SAMHD1: variants seen among roughly 807,000 people sequenced by gnomAD.
The protein encoded by SAMHD1 is SAM and HD domain containing deoxynucleoside triphosphate triphosphohydrolase 1.
Under a neutral mutation model 79.6 loss-of-function variants are expected in SAMHD1, and 54 were observed. That is an observed-to-expected ratio of 0.68 (90% CI 0.55 to 0.85). The LOEUF is 0.85. Ranked by LOEUF, SAMHD1 falls within the 40% of genes least tolerant of loss-of-function variation. The pLI is 0.00. For synonymous variants in SAMHD1, 260 were observed against 264.1 expected, an observed-to-expected ratio of 0.98 and a Z score of 0.15; for missense variants, 663 against 782.7, an observed-to-expected ratio of 0.85 and a Z score of 1.82.
At chr20:36,944,077 C>CAAAAAAAAAAAAAAAA (rs542947370) in intron 2 of SAMHD1, among the ~76,000 whole-genome samples, 11 of 89,996 alleles carry the variant, frequency 1.2e-4, no homozygotes, top group South Asian at 4.8e-4. Flanking sequence ...GACTCCATCT[C>CAAAAAAAAAAAAAAAA]AAAAAAAAAA....
chr20:36,908,255 T>G (rs2063416372), intron 11 of SAMHD1, among the ~76,000 whole-genome samples: 1 of 147,266 alleles, frequency 6.8e-6, no homozygotes, highest in Non-Finnish European at 1.5e-5. Context: ...ATTATTATTA[T>G]TATTTGATAC....
intron 5 of SAMHD1, among the ~76,000 whole-genome samples, chr20:36,927,640 A>C (rs568818359): frequency 6.6e-6 from 1 of 152,260 alleles, no homozygotes; most frequent in African/African-American, 2.4e-5. Flanking sequence ...TAATCTTTTT[A>C]GTTTAACTTG....
intron 4 of SAMHD1, 78 bp downstream of exon 4, chr20:36,934,951 C>G (rs1568779221): frequency 6.8e-7 from 1 of 1,479,358 alleles, no homozygotes; most frequent in East Asian, 2.3e-5. Flanking sequence ...AGCCACCATG[C>G]CTGGCCTAAG....
In SAMHD1 at chr20:36,926,060, T is replaced by C. The variant is rs1236980151; in HGVS notation, c.696+1122A>G. Among the ~76,000 whole-genome samples, 3 of 150,618 alleles carry C rather than the reference T, an allele frequency of 2.0e-5. No individual in the cohort carries two copies. The East Asian group carries it at 5.8e-4, about 29-fold the overall frequency. ...TTTCTGCTGAATGTATTTCTTGTTT[T>C]AAAAATGTAATTAACTTTCCACACT... On this transcript the variant is annotated intron_variant, in intron 6 of 15. Coordinates refer to ENST00000646673, the MANE Select transcript of SAMHD1 (RefSeq NM_015474.4).
chr20:36,913,116 T>C (rs1458484678), intron 9 of SAMHD1, among the ~76,000 whole-genome samples: 1 of 149,398 alleles, frequency 6.7e-6, no homozygotes, highest in Non-Finnish European at 1.5e-5. Flanking sequence ...CCCGCCTCAG[T>C]CTCCCGAGTG....
intron 10 of SAMHD1, 26 bp from the exon 11 acceptor site, chr20:36,911,359 T>C (rs2063439290): frequency 7.0e-7 from 1 of 1,435,414 alleles, no homozygotes; most frequent in Non-Finnish European, 9.8e-7. Context: ...CAAAAATTTA[T>C]GTTTATGAGA....
chr20:36,900,156 A>G (rs1322775687), intron 13 of SAMHD1, among the ~76,000 whole-genome samples: 2 of 152,178 alleles, frequency 1.3e-5, no homozygotes, highest in African/African-American at 4.8e-5. Flanking sequence ...AGAGGAGGCA[A>G]GATGTTAAAG....
Position 36,892,917 on chromosome 20 carries a change from A to G in SAMHD1, c.*15T>C, listed in dbSNP as rs1405383746. The G allele has an allele frequency of 1.2e-6, 2 of 1,614,060 alleles. No individual in the cohort carries two copies. Among genetic ancestry groups the G allele is most frequent in the South Asian group, 2.2e-5 (2 of 91,072 alleles). ...GTGCAGGAGAGGGAGTTTGTAAACAACTGACTACAGACATTCACATTGGGT... is the reference window on the plus strand; with the variant it reads ...GTGCAGGAGAGGGAGTTTGTAAACAGCTGACTACAGACATTCACATTGGGT... On this transcript the variant is annotated 3_prime_UTR_variant, in exon 16 of 16. Coordinates refer to ENST00000646673, the MANE Select transcript of SAMHD1 (RefSeq NM_015474.4).
intron 6 of SAMHD1, among the ~76,000 whole-genome samples, chr20:36,924,233 C>A (rs2063523096): frequency 8.2e-6 from 1 of 122,196 alleles, no homozygotes; most frequent in African/African-American, 3.2e-5. Flanking sequence ...CCCTGGGTGA[C>A]AAAGCAAGAT....
rs529281857 is a variant in SAMHD1, at chr20:36,950,324, G to A, written c.208+1112C>T. 9.3e-5 allele frequency among the ~76,000 whole-genome samples: 14 copies of A among 151,338 alleles called. No homozygotes were observed. The East Asian group carries it at 2.7e-3, about 29-fold the overall frequency. On this transcript the variant is annotated intron_variant, in intron 1 of 15. Transcript: ENST00000646673. ...GTGGAGGGAAACGAAAGGGCAAAAG[G>A]GGGAAGAAAAAAAAAAAAGGAGAAA...
At chr20:36,916,568 CAGT>C (rs1334828486) in intron 9 of SAMHD1, 151 bp downstream of exon 9, 38 of 691,198 alleles carry the variant, frequency 5.5e-5, no homozygotes, top group Non-Finnish European at 9.9e-5. Context: ...TTTAATAATG[CAGT>C]AGAAGGGAAG....
At chr20:36,943,789 A>G (rs1031254374) in intron 2 of SAMHD1, among the ~76,000 whole-genome samples, 1 of 152,144 alleles carries the variant, frequency 6.6e-6, no homozygotes, top group Admixed American at 6.6e-5. Context: ...TGTGGTTATG[A>G]AAGAGTCATG....
At chr20:36,911,470 C>T (rs909686043) in intron 10 of SAMHD1, 137 bp from the exon 11 acceptor site, 5 of 664,858 alleles carry the variant, frequency 7.5e-6, no homozygotes, top group African/African-American at 1.8e-5. Context: ...GCTTCTCCAC[C>T]GTACTAAATT....
chr20:36,922,217 T>G (rs1327111576), intron 6 of SAMHD1, among the ~76,000 whole-genome samples: 1 of 152,172 alleles, frequency 6.6e-6, no homozygotes, highest in Non-Finnish European at 1.5e-5. Context: ...GAAAAAAAGT[T>G]TTTTTCCCCT....
At chr20:36,903,481 G>A (rs918686862) in intron 13 of SAMHD1, among the ~76,000 whole-genome samples, 1 of 151,314 alleles carries the variant, frequency 6.6e-6, no homozygotes, top group African/African-American at 2.4e-5. Flanking sequence ...CTTTGTGATC[G>A]ACCCGCCTCG....
At chr20:36,930,705 G>C (rs980553557) in intron 5 of SAMHD1, 55 bp downstream of exon 5, 1 of 1,162,354 alleles carries the variant, frequency 8.6e-7, no homozygotes, top group Non-Finnish European at 1.3e-6. Context: ...ACGTCAAAGA[G>C]AGGTAACATA....
At chr20:36,930,248 C>A (rs2063560469) in intron 5 of SAMHD1, among the ~76,000 whole-genome samples, 1 of 152,094 alleles carries the variant, frequency 6.6e-6, no homozygotes, top group African/African-American at 2.4e-5. Context: ...GTAATCCCAG[C>A]ACTTTGGGAG....
At chr20:36,913,558 A>G (rs1376676432) in intron 9 of SAMHD1, among the ~76,000 whole-genome samples, 40 of 150,646 alleles carry the variant, frequency 2.7e-4, no homozygotes, top group Middle Eastern at 3.4e-3. Flanking sequence ...AGCGGAGATC[A>G]CGCCATTGCA....
chr20:36,944,534 T>C (rs2063671521), intron 2 of SAMHD1, among the ~76,000 whole-genome samples: 1 of 152,240 alleles, frequency 6.6e-6, no homozygotes, highest in Admixed American at 6.5e-5. Context: ...TAACTAAAAT[T>C]TCAGAAGAGA....
Sources: gnomAD v4.1 joint callset for allele counts (sites outside exome capture counted in the v4.1 genomes callset) on GRCh38, gnomAD v4.1.1 for gene constraint, MANE v1.5 for transcripts, NCBI Gene and HGNC (gene_info 2026-07-23, HGNC 2026-07-21) for gene names.